Variants in PTPRC observed in about 807,000 individuals in gnomAD.
PTPRC encodes the protein protein tyrosine phosphatase receptor type C.
A neutral mutation model predicts 155.9 loss-of-function variants in PTPRC; 44 were observed. The observed-to-expected ratio is 0.28, with a 90% confidence interval of 0.22 to 0.36. The LOEUF is 0.36. PTPRC is among the 10% of genes least tolerant of loss of function. The probability of loss-of-function intolerance (pLI) is 1.00; values close to 1 mark genes in which losing one functional copy is unlikely to be tolerated. For synonymous variants in PTPRC, 525 were observed against 533.1 expected (o/e 0.98, Z 0.21); for missense variants, 1,401 against 1,564.6 (o/e 0.90, Z 1.76).
At chr1:198,681,273 G>A (rs1247478088) in intron 2 of PTPRC, among the ~76,000 whole-genome samples, 2 of 152,148 alleles carry the variant, frequency 1.3e-5, no homozygotes, top group Admixed American at 1.3e-4. Flanking sequence ...ACAATTGATA[G>A]GAATATACAG....
At chr1:198,687,868 T>G (rs1665718342) in intron 2 of PTPRC, among the ~76,000 whole-genome samples, 1 of 152,156 alleles carries the variant, frequency 6.6e-6, no homozygotes, top group Admixed American at 6.5e-5. Flanking sequence ...AATTTAAAAT[T>G]TTTATTTTAA....
chr1:198,750,671 A>G, intron 29 of PTPRC, 45 bp downstream of exon 29: 1 of 1,601,002 alleles, frequency 6.2e-7, no homozygotes, highest in Non-Finnish European at 8.6e-7. Flanking sequence ...CTGTCATAAA[A>G]CGTCATTCTC....
chr1:198,672,995 A>C (rs1664735737), intron 2 of PTPRC, among the ~76,000 whole-genome samples: 1 of 152,178 alleles, frequency 6.6e-6, no homozygotes, highest in Non-Finnish European at 1.5e-5. Flanking sequence ...TTTTCCAGAA[A>C]GATATCTAGC....
At chr1:198,649,057 T>C (rs940027511) in intron 2 of PTPRC, among the ~76,000 whole-genome samples, 2 of 151,786 alleles carry the variant, frequency 1.3e-5, no homozygotes, top group Non-Finnish European at 1.5e-5. Context: ...AAAAAGCATA[T>C]TAAGTGAACC....
intron 2 of PTPRC, among the ~76,000 whole-genome samples, chr1:198,652,230 C>A (rs1571783150): frequency 6.6e-6 from 1 of 151,726 alleles, no homozygotes; most frequent in African/African-American, 2.4e-5. Context: ...AGATATAAAG[C>A]CGCAGTTTAA....
Position 198,703,349 on chromosome 1 carries a change from C to T in PTPRC, c.635C>T (p.Ala212Val), listed in dbSNP as rs368551275. The T allele has an allele frequency of 8.1e-6, 13 of 1,613,222 alleles. No individual in the cohort carries two copies. Among genetic ancestry groups the T allele is most frequent in the East Asian group, 2.2e-5 (1 of 44,880 alleles). Residue 212 changes from alanine (A) to valine (V), a missense_variant, in exon 7 of 33, where the codon GCT (alanine) becomes GTT (valine). Coordinates refer to ENST00000442510, the MANE Select transcript of PTPRC (RefSeq NM_002838.5). ...ACCACTCTGAGCCCTTCTGGAAGCG[C>T]TGTCATTTCAACCACAACAATAGGT... is the stretch of plus-strand genomic sequence containing the variant. ...ETTTLSPSGSAVISTTTIATT... is the reference protein window; with the variant it reads ...ETTTLSPSGSVVISTTTIATT...
chr1:198,749,731 C>T (rs1655296077), intron 28 of PTPRC, among the ~76,000 whole-genome samples, 182 bp downstream of exon 28: 1 of 151,810 alleles, frequency 6.6e-6, no homozygotes, highest in Non-Finnish European at 1.5e-5. Context: ...TTTAAAAATA[C>T]TATAACCTAA....
At chr1:198,725,931 T>C (rs1265009411) in intron 15 of PTPRC, among the ~76,000 whole-genome samples, 2 of 152,190 alleles carry the variant, frequency 1.3e-5, no homozygotes, top group South Asian at 2.1e-4. Context: ...ATTTCCCTTC[T>C]CTCATTTTCA....
rs6696162 is a variant in PTPRC at position 198,713,049 on chromosome 1, C to T, written c.1268C>T (p.Thr423Ile). ...CCTCAAAGATCATTTCATAATTTTA[C>T]CCTCTGTTATATAAAAGAGACAGGT... ...NPPQRSFHNF[T>I]LCYIKETEKD... is the part of the protein sequence containing the mutation. The change falls in exon 12 of 33, where the codon ACC becomes ATC. Residue 423 changes from threonine (T) to isoleucine (I), a missense_variant. Thr to Ile is a moderately conservative substitution (Grantham distance 89, BLOSUM62 -1). This residue lies in a region of PTPRC where 867 missense variants were observed against 970.4 expected (regional missense o/e 0.89). Transcript: ENST00000442510. The T allele has an allele frequency of 1.3e-3, 2,055 of 1,613,606 alleles. 22 individuals are homozygous for T. In the African/African-American group the frequency reaches 0.024, roughly 19 times the overall value.
At chr1:198,699,730 A>G in intron 5 of PTPRC, 26 bp downstream of exon 5, 1 of 1,613,888 alleles carries the variant, frequency 6.2e-7, no homozygotes, top group East Asian at 2.2e-5. Flanking sequence ...AGACTTGTGC[A>G]AATATGAAAA....
chr1:198,692,428 T>C (rs1665981452), intron 3 of PTPRC, 55 bp downstream of exon 3: 1 of 1,241,730 alleles, frequency 8.1e-7, no homozygotes, highest in Non-Finnish European at 1.1e-6. Flanking sequence ...GCAAAGTTTA[T>C]ATATTTAACT....
In PTPRC at chr1:198,696,903, A is replaced by G. The variant is rs1323165536; in HGVS notation, c.292A>G (p.Thr98Ala). The change falls in exon 4 of 33, where the codon ACC (threonine) becomes GCC (alanine). Residue 98 changes from threonine (T) to alanine (A), a missense_variant. Thr to Ala is a moderately conservative substitution (Grantham distance 58). Around this residue, in one of 3 missense-constraint regions of PTPRC, gnomAD observed 867 missense variants for 970.4 expected, o/e 0.89. Coordinates refer to ENST00000442510, the MANE Select transcript of PTPRC (RefSeq NM_002838.5). ...DSLDNASAFNTTGVSSVQTPH... is the reference protein window; with the variant it reads ...DSLDNASAFNATGVSSVQTPH... ...TTTGGATAATGCTAGTGCTTTTAAT[A>G]CCACAGGTTGGCACACAAAAGTTGT... 1 of 1,613,040 alleles carries G rather than the reference A, an allele frequency of 6.2e-7. No individual in the cohort carries two copies. Among genetic ancestry groups the G allele is most frequent in the Non-Finnish European group, 8.5e-7 (1 of 1,179,076 alleles).
intron 11 of PTPRC, chr1:198,712,736 G>A: frequency 3.5e-6 from 2 of 565,386 alleles, no homozygotes; most frequent in South Asian, 2.1e-5. Context: ...TCAGTGGAAT[G>A]CTTAGGTTTC....
At chr1:198,672,432 T>G (rs1664696862) in intron 2 of PTPRC, among the ~76,000 whole-genome samples, 1 of 152,076 alleles carries the variant, frequency 6.6e-6, no homozygotes. Context: ...TTTTTTTCTG[T>G]TAGTTGTAGC....
In PTPRC at chr1:198,751,213, A is replaced by G. The variant is rs539265283; in HGVS notation, c.3207+587A>G. The stretch of plus-strand genomic sequence containing the variant: ...TCTATATCATCCTTTCTTTATTCCC[A>G]TATAATATTTATTGCCATAAAAGTC... On this transcript the variant is annotated intron_variant, in intron 29 of 32. Coordinates refer to ENST00000442510, the MANE Select transcript of PTPRC (RefSeq NM_002838.5). 2.7e-4 allele frequency among the ~76,000 whole-genome samples: 41 copies of G among 152,134 alleles called. No homozygotes were observed. The Middle Eastern group carries it at 0.01, about 38-fold the overall frequency.
At position 198,722,924 on chromosome 1, in the gene PTPRC, T is replaced by C. The variant is rs371244682; in HGVS notation, c.1720+448T>C. On this transcript the variant is annotated intron_variant, in intron 15 of 32. Coordinates refer to ENST00000442510, the MANE Select transcript of PTPRC (RefSeq NM_002838.5). ...ACTCCCTAATAACAATATACTTATG[T>C]AAATATTTATCACTGATATTTAAAA... 5.9e-5 allele frequency among the ~76,000 whole-genome samples: 9 copies of C among 151,942 alleles called. No individual in the cohort carries two copies. In the East Asian group the frequency reaches 1.5e-3, roughly 26 times the overall value.
chr1:198,669,835 T>G (rs910397380), intron 2 of PTPRC, among the ~76,000 whole-genome samples: 4 of 152,218 alleles, frequency 2.6e-5, no homozygotes, highest in Non-Finnish European at 5.9e-5. Context: ...AGTCATTTTT[T>G]TCAAAATGCG....
intron 31 of PTPRC, among the ~76,000 whole-genome samples, chr1:198,753,873 C>T (rs1249838621): frequency 6.6e-6 from 1 of 152,002 alleles, no homozygotes; most frequent in Non-Finnish European, 1.5e-5. Context: ...TAGTAATTTA[C>T]AAAATATTAG....
intron 2 of PTPRC, chr1:198,679,257 G>T (rs1665146063): frequency 6.7e-6 from 1 of 148,962 alleles, no homozygotes; most frequent in Non-Finnish European, 1.5e-5. Flanking sequence ...TTTTTGAGAC[G>T]GAGTCTCGCC....
Sources: gnomAD v4.1 joint callset for allele counts (sites outside exome capture counted in the v4.1 genomes callset) on GRCh38, gnomAD v4.1.1 for gene constraint, gnomAD v4.1.1 regional missense constraint, MANE v1.5 for transcripts, NCBI Gene and HGNC (gene_info 2026-07-23, HGNC 2026-07-21) for gene names.